The following CDH4 variants were observed in gnomAD, a reference collection of about 807,000 sequenced individuals.
CDH4 encodes cadherin-4.
In CDH4, 33 loss-of-function variants were observed where a neutral mutation model predicts 86.0. The ratio of observed to expected loss-of-function variants is 0.38; its 90% CI spans 0.29 to 0.51. The LOEUF is 0.51. Among genes scored for constraint, CDH4 ranks in the 20% least tolerant of loss-of-function variants. The probability of loss-of-function intolerance (pLI) is 0.86; values close to 1 mark genes in which losing one functional copy is unlikely to be tolerated. For missense variants in CDH4, 1,114 were observed against 1,307.4 expected (o/e 0.85, Z 2.28); for synonymous variants, 555 against 549.4 (o/e 1.01, Z -0.14).
chr20:61,414,943 T>C (rs746024108), intron 2 of CDH4, among the ~76,000 whole-genome samples: 1 of 152,204 alleles, frequency 6.6e-6, no homozygotes, highest in Admixed American at 6.5e-5. Context: ...TGCCTCTCCA[T>C]GGACCGGAGG....
intron 7 of CDH4, among the ~76,000 whole-genome samples, chr20:61,884,232 C>T (rs1984432107): frequency 6.6e-6 from 1 of 152,190 alleles, no homozygotes; most frequent in Non-Finnish European, 1.5e-5. Context: ...ACCGGAGGCC[C>T]CAAGGGGTCA....
chr20:61,696,385 C>G (rs1448803205), intron 2 of CDH4, among the ~76,000 whole-genome samples: 1 of 152,220 alleles, frequency 6.6e-6, no homozygotes, highest in African/African-American at 2.4e-5. Context: ...TGCAGCACCC[C>G]TGGTGAGACT....
intron 2 of CDH4, among the ~76,000 whole-genome samples, chr20:61,271,252 A>G (rs930879078): frequency 3.9e-5 from 6 of 152,102 alleles, no homozygotes; most frequent in African/African-American, 1.4e-4. Context: ...CTTGGGATGC[A>G]AGTTTGAGGG....
chr20:61,723,342 C>T (rs565563203), intron 2 of CDH4, among the ~76,000 whole-genome samples: 1 of 152,190 alleles, frequency 6.6e-6, no homozygotes, highest in Non-Finnish European at 1.5e-5. Flanking sequence ...CCGGGCAGGC[C>T]CCTCCCGGGG....
At chr20:61,935,756 G>A (rs925547074) in intron 15 of CDH4, among the ~76,000 whole-genome samples, 11 of 152,156 alleles carry the variant, frequency 7.2e-5, no homozygotes, top group African/African-American at 1.9e-4. Context: ...GCATGGTGGC[G>A]GGCACCTGTA....
chr20:61,931,997 C>T (rs905523854), intron 13 of CDH4, among the ~76,000 whole-genome samples: 1 of 152,106 alleles, frequency 6.6e-6, no homozygotes, highest in Non-Finnish European at 1.5e-5. Flanking sequence ...GGACTGACCC[C>T]ACCCCAGGGG....
At chr20:61,575,679 T>C (rs2086377938) in intron 2 of CDH4, among the ~76,000 whole-genome samples, 1 of 152,254 alleles carries the variant, frequency 6.6e-6, no homozygotes, top group Non-Finnish European at 1.5e-5. Flanking sequence ...TTACATATTG[T>C]CTGTAACTGC....
Position 61,879,810 on chromosome 20 carries a change from C to T in CDH4, c.1050+5910C>T, listed in dbSNP as rs1039335584. Among the ~76,000 whole-genome samples, 24 of 152,210 alleles carry T rather than the reference C, an allele frequency of 1.6e-4. No homozygotes were observed. The highest frequency in any genetic ancestry group is 5.3e-4 in the African/African-American group (22 of 41,456). ...AAATTAGCACCGGGCCAGCATTGTT[C>T]TCAGCGTCCCTTCCAGGCTGCTCCC... On this transcript the variant is annotated intron_variant, in intron 7 of 15. Transcript: ENST00000614565. This position sits in a 1 kb window ranked among gnomAD's most constrained non-coding sequence, Gnocchi z 4.1.
intron 2 of CDH4, among the ~76,000 whole-genome samples, chr20:61,363,684 A>G (rs28551468): frequency 0.25 from 37,308 of 152,090 alleles, 4,727 homozygotes; most frequent in East Asian, 0.41. Context: ...AGAAGGTGAG[A>G]AAGTTGCCCC....
At chr20:61,334,673 C>T (rs1227598430) in intron 2 of CDH4, among the ~76,000 whole-genome samples, 11 of 152,198 alleles carry the variant, frequency 7.2e-5, no homozygotes, top group Admixed American at 7.2e-4. Flanking sequence ...TGTGCCACCA[C>T]GCTGGGGCTG....
At chr20:61,870,989 C>G (rs902006372) in intron 6 of CDH4, among the ~76,000 whole-genome samples, 1 of 152,002 alleles carries the variant, frequency 6.6e-6, no homozygotes, top group South Asian at 2.1e-4. Context: ...CTTAGACGCA[C>G]CAGTGTATTT....
At chr20:61,409,973 A>G (rs1009065798) in intron 2 of CDH4, among the ~76,000 whole-genome samples, 2 of 152,230 alleles carry the variant, frequency 1.3e-5, no homozygotes, top group African/African-American at 4.8e-5. Flanking sequence ...CCAGAGGAGA[A>G]CTAGATAACT....
intron 5 of CDH4, among the ~76,000 whole-genome samples, chr20:61,845,444 C>T (rs537386910): frequency 6.6e-6 from 1 of 152,304 alleles, no homozygotes; most frequent in African/African-American, 2.4e-5. Context: ...CCGGGCCGAA[C>T]TGACCCTGGC....
intron 2 of CDH4, among the ~76,000 whole-genome samples, chr20:61,398,012 A>G (rs1043626610): frequency 1.3e-5 from 2 of 152,166 alleles, no homozygotes; most frequent in Non-Finnish European, 2.9e-5. Context: ...CGTGCCTGGG[A>G]ACCACATGGC....
chr20:61,512,231 C>T (rs556923334), intron 2 of CDH4, among the ~76,000 whole-genome samples: 38 of 152,166 alleles, frequency 2.5e-4, no homozygotes, highest in African/African-American at 8.9e-4. Flanking sequence ...TGTGGGCAGT[C>T]GCCTCACCAG....
rs2055246876 is a variant in CDH4 at position 61,940,199 on chromosome 20, A to T, written c.*3256A>T. On this transcript the variant is annotated 3_prime_UTR_variant, in exon 16 of 16. Transcript: ENST00000614565. Reference sequence around the variant, plus strand: ...CTCACAACAGGCCCAGCGGGGGACCACCTCTCTGTACAATTGGAATGCGTT... The same window carrying T: ...CTCACAACAGGCCCAGCGGGGGACCTCCTCTCTGTACAATTGGAATGCGTT... The T allele has an allele frequency of 6.6e-6, 1 of 152,088 alleles. No homozygotes were observed. Among genetic ancestry groups the T allele is most frequent in the Non-Finnish European group, 1.5e-5 (1 of 68,020 alleles). 9.4% of individuals were successfully genotyped at this position (152,088 alleles called of 1,614,324 possible).
At chr20:61,346,566 A>T (rs2084680480) in intron 2 of CDH4, among the ~76,000 whole-genome samples, 1 of 152,148 alleles carries the variant, frequency 6.6e-6, no homozygotes. Flanking sequence ...CAACATGGCG[A>T]AACCCCATCT....
intron 2 of CDH4, among the ~76,000 whole-genome samples, chr20:61,361,459 G>A (rs1044558918): frequency 2.6e-5 from 4 of 152,194 alleles, no homozygotes; most frequent in African/African-American, 7.2e-5. Flanking sequence ...TCCAGGGGAT[G>A]GGGAGGGGGA....
Position 61,885,698 on chromosome 20 carries a change from C to T in CDH4, c.1051-9212C>T, listed in dbSNP as rs561857339. ...TGGTGACTCTTGACTTGTGAGGACC[C>T]GCCAGCCTGTTTTCCGTGGTGCCTG... On this transcript the variant is annotated intron_variant, in intron 7 of 15. Transcript: ENST00000614565. Among the ~76,000 whole-genome samples the T allele has an allele frequency of 4.3e-4, 66 of 152,288 alleles. 1 individual carries two copies. The highest frequency in any genetic ancestry group is 1.4e-3 in the African/African-American group (57 of 41,542).
Sources: gnomAD v4.1 joint callset for allele counts (sites outside exome capture counted in the v4.1 genomes callset) on GRCh38, gnomAD v4.1.1 for gene constraint, Gnocchi (gnomAD v3.1) non-coding constraint, MANE v1.5 for transcripts, NCBI Gene and HGNC (gene_info 2026-07-23, HGNC 2026-07-21) for gene names.